The following WWOX variants were observed in gnomAD, a reference collection of about 807,000 sequenced individuals.
The protein encoded by WWOX is WW domain containing oxidoreductase.
Under a neutral mutation model 46.2 loss-of-function variants are expected in WWOX, and 69 were observed. That is an observed-to-expected ratio of 1.49 (90% CI 1.23 to 1.82). The LOEUF (loss-of-function observed/expected upper bound fraction) is 1.82. Ranked by LOEUF, WWOX falls within the 40% of genes most tolerant of loss-of-function variation. The pLI is 0.00. For synonymous variants in WWOX, 359 were observed against 202.6 expected (o/e 1.77, Z -6.56); for missense variants, 919 against 542.6 (o/e 1.69, Z -6.89).
At chr16:78,239,782 G>A (rs978611530) in intron 5 of WWOX, among the ~76,000 whole-genome samples, 2 of 152,086 alleles carry the variant, frequency 1.3e-5, no homozygotes, top group Non-Finnish European at 2.9e-5. Context: ...TGATCCGCCA[G>A]TCTCAACCTC....
In WWOX at chr16:78,853,144, A is replaced by G. The variant is rs184756236; in HGVS notation, c.1057-358464A>G. Among the ~76,000 whole-genome samples the G allele has an allele frequency of 1.8e-3, 268 of 152,360 alleles. 3 individuals are homozygous for G. Among genetic ancestry groups the G allele is most frequent in the African/African-American group, 6.2e-3 (258 of 41,588 alleles). On this transcript the variant is annotated intron_variant, in intron 8 of 8. Transcript: ENST00000566780. ...ATAACAATATGTTGTACTATACGTT[A>G]TAACAATATGTTAATATGTTGCCAT...
chr16:78,769,132 A>G (rs1056830937), intron 8 of WWOX, among the ~76,000 whole-genome samples: 3 of 152,242 alleles, frequency 2.0e-5, no homozygotes, highest in African/African-American at 7.2e-5. Flanking sequence ...TGGTATTCCA[A>G]ATAATTGGTG....
At chr16:78,354,269 T>C (rs2081239991) in intron 5 of WWOX, among the ~76,000 whole-genome samples, 1 of 150,496 alleles carries the variant, frequency 6.6e-6, no homozygotes, top group South Asian at 2.1e-4. Context: ...TAATCTCTTT[T>C]TGCTTGGCAT....
At chr16:78,868,728 A>G (rs150631290) in intron 8 of WWOX, among the ~76,000 whole-genome samples, 140 of 152,312 alleles carry the variant, frequency 9.2e-4, no homozygotes, top group African/African-American at 3.1e-3. Flanking sequence ...CTGATGAGCC[A>G]TTCATAGGCT....
At chr16:78,205,903 C>G (rs1392346788) in intron 5 of WWOX, among the ~76,000 whole-genome samples, 1 of 151,294 alleles carries the variant, frequency 6.6e-6, no homozygotes, top group African/African-American at 2.4e-5. Flanking sequence ...CTTCCTTCCT[C>G]CTGTCTTCCT....
intron 8 of WWOX, among the ~76,000 whole-genome samples, chr16:78,874,172 C>G (rs1395352816): frequency 6.6e-6 from 1 of 150,402 alleles, no homozygotes; most frequent in African/African-American, 2.5e-5. Flanking sequence ...AGGAGAATCG[C>G]TTGAACCCAG....
chr16:78,332,117 G>T (rs2080771952), intron 5 of WWOX, among the ~76,000 whole-genome samples: 1 of 152,142 alleles, frequency 6.6e-6, no homozygotes, highest in African/African-American at 2.4e-5. Context: ...AGGTTTGGGT[G>T]TCCTGTGTTT....
intron 8 of WWOX, among the ~76,000 whole-genome samples, chr16:78,875,259 A>G (rs572952148): frequency 6.6e-6 from 1 of 152,078 alleles, no homozygotes; most frequent in South Asian, 2.1e-4. Context: ...GGGTTCTACC[A>G]CTCCCAGTAA....
intron 5 of WWOX, among the ~76,000 whole-genome samples, chr16:78,205,567 A>C (rs947260840): frequency 6.6e-6 from 1 of 151,184 alleles, no homozygotes; most frequent in Non-Finnish European, 1.5e-5. Flanking sequence ...CCATCTGCCA[A>C]TCCACCCACC....
chr16:78,823,925 G>C (rs1159397566), intron 8 of WWOX, among the ~76,000 whole-genome samples: 1 of 152,018 alleles, frequency 6.6e-6, no homozygotes, highest in Non-Finnish European at 1.5e-5. Context: ...ACAGGCGAGA[G>C]CCACCATACT....
intron 8 of WWOX, among the ~76,000 whole-genome samples, chr16:78,681,388 A>C (rs1201946798): frequency 6.6e-6 from 1 of 152,172 alleles, no homozygotes; most frequent in Non-Finnish European, 1.5e-5. Flanking sequence ...TGGGTGACAG[A>C]GCGAGACTCT....
intron 8 of WWOX, among the ~76,000 whole-genome samples, chr16:78,672,105 T>A (rs1239679434): frequency 6.6e-6 from 1 of 152,216 alleles, no homozygotes; most frequent in African/African-American, 2.4e-5. Flanking sequence ...TCCACTTTTG[T>A]AAAAGTTTAG....
chr16:79,157,994 G>A (rs2050414902), intron 8 of WWOX, among the ~76,000 whole-genome samples: 1 of 152,132 alleles, frequency 6.6e-6, no homozygotes, highest in African/African-American at 2.4e-5. Context: ...TGTAAGTTCT[G>A]GATTGGTTGG....
intron 8 of WWOX, among the ~76,000 whole-genome samples, chr16:79,097,701 T>C (rs558657373): frequency 3.3e-5 from 5 of 152,240 alleles, no homozygotes; most frequent in African/African-American, 1.2e-4. Flanking sequence ...TTCCAAAAGA[T>C]CTTTGGAGGA....
At chr16:78,607,110 T>G (rs2045778293) in intron 8 of WWOX, among the ~76,000 whole-genome samples, 1 of 152,040 alleles carries the variant, frequency 6.6e-6, no homozygotes, top group Non-Finnish European at 1.5e-5. Context: ...TGATTCAGAT[T>G]GGATGAAAAG....
At chr16:79,136,301 G>A (rs910022818) in intron 8 of WWOX, among the ~76,000 whole-genome samples, 1 of 151,614 alleles carries the variant, frequency 6.6e-6, no homozygotes, top group African/African-American at 2.4e-5. Flanking sequence ...TGCAATCTCG[G>A]CTCACTGCAA....
intron 8 of WWOX, among the ~76,000 whole-genome samples, chr16:78,794,086 T>C (rs1479018193): frequency 2.0e-5 from 3 of 152,082 alleles, no homozygotes; most frequent in African/African-American, 7.2e-5. Flanking sequence ...TGTTAGGAGA[T>C]GGGGTCTTTT....
At chr16:78,756,485 C>A (rs73573718) in intron 8 of WWOX, among the ~76,000 whole-genome samples, 5,476 of 152,148 alleles carry the variant, frequency 0.036, 289 homozygotes, top group African/African-American at 0.12. Flanking sequence ...TTACCTTAGA[C>A]CATGAGGAGA....
At chr16:78,903,169 C>T (rs560783772) in intron 8 of WWOX, among the ~76,000 whole-genome samples, 2 of 152,276 alleles carry the variant, frequency 1.3e-5, no homozygotes, top group South Asian at 2.1e-4. Context: ...TCTAAATACT[C>T]CCTAGATGTT....
Sources: gnomAD v4.1 joint callset for allele counts (sites outside exome capture counted in the v4.1 genomes callset) on GRCh38, gnomAD v4.1.1 for gene constraint, MANE v1.5 for transcripts, NCBI Gene and HGNC (gene_info 2026-07-23, HGNC 2026-07-21) for gene names.